The following GIGYF2 variants were observed in gnomAD, a reference collection of about 807,000 sequenced individuals.
GIGYF2 encodes GRB10 interacting GYF protein 2.
Under a neutral mutation model 208.1 loss-of-function variants are expected in GIGYF2, and 25 were observed. That is an observed-to-expected ratio of 0.12 (90% CI 0.09 to 0.17). GIGYF2 has a LOEUF of 0.17. GIGYF2 is among the 10% of genes least tolerant of loss of function. GIGYF2 has a pLI of 1.00. For synonymous variants in GIGYF2, 534 were observed against 543.8 expected (o/e 0.98, Z 0.25); for missense variants, 1,302 against 1,579.4 (o/e 0.82, Z 2.98).
chr2:232,763,165 T>C (rs927529270), intron 8 of GIGYF2, among the ~76,000 whole-genome samples: 2 of 152,208 alleles, frequency 1.3e-5, no homozygotes, highest in African/African-American at 4.8e-5. Flanking sequence ...CATCCTTGTC[T>C]GATTCAGTAC....
intron 6 of GIGYF2, among the ~76,000 whole-genome samples, chr2:232,757,070 A>T (rs1294699370): frequency 6.6e-6 from 1 of 152,206 alleles, no homozygotes; most frequent in Admixed American, 6.5e-5. Context: ...GAAGAATTGG[A>T]TGTCTGCAAT....
intron 2 of GIGYF2, chr2:232,729,952 C>T (rs1369984652): frequency 4.1e-6 from 3 of 726,368 alleles, no homozygotes. Flanking sequence ...TCTTCCATAT[C>T]CACAGGACCA....
intron 6 of GIGYF2, 111 bp downstream of exon 6, chr2:232,756,445 C>G (rs1574841954): frequency 5.0e-6 from 3 of 598,746 alleles, no homozygotes; most frequent in Middle Eastern, 4.5e-4. Context: ...TTGACATTAA[C>G]TGCATACTAA....
chr2:232,705,320 A>G (rs963501944), intron 2 of GIGYF2: 2 of 152,346 alleles, frequency 1.3e-5, no homozygotes, highest in African/African-American at 2.4e-5. Flanking sequence ...AACTTTTGAA[A>G]TAATACATTT....
chr2:232,798,449 A>G (rs1300665559), intron 14 of GIGYF2, among the ~76,000 whole-genome samples: 1 of 152,204 alleles, frequency 6.6e-6, no homozygotes, highest in Non-Finnish European at 1.5e-5. Context: ...GCTGAGTTGT[A>G]TGGTAGTTCT....
At chr2:232,731,865 A>AATTATTTT (rs1262152892) in intron 2 of GIGYF2, among the ~76,000 whole-genome samples, 2 of 142,610 alleles carry the variant, frequency 1.4e-5, no homozygotes, top group Non-Finnish European at 3.1e-5. Flanking sequence ...TTCTTGTTAG[A>AATTATTTT]ATTATTTTAT....
rs368611228 is a variant in GIGYF2 at position 232,717,744 on chromosome 2, AAG to A, written c.-44+14268_-44+14269del. Among the ~76,000 whole-genome samples, 218 of 104,206 alleles carry A rather than the reference AAG, an allele frequency of 2.1e-3. 1 individual carries two copies. The Middle Eastern group carries it at 0.023, about 11-fold the overall frequency. 68.4% of individuals were successfully genotyped at this position (104,206 alleles called of 152,430 possible). A position where few individuals can be genotyped will look rare whatever the true frequency, so the allele number is the denominator to read the frequency against. On this transcript the variant is annotated intron_variant, in intron 2 of 28. Transcript: ENST00000373563. The stretch of plus-strand genomic sequence containing the variant: ...GTGTAGATCTCATGGTGAGGGGAGC[AAG>A]AGAGAGAGAGAGGAGGGAGGTGTCA...
At chr2:232,713,089 T>TTG (rs1696505396) in intron 2 of GIGYF2, among the ~76,000 whole-genome samples, 1 of 151,704 alleles carries the variant, frequency 6.6e-6, no homozygotes, top group East Asian at 1.9e-4. Context: ...TCTTTTTTTT[T>TTG]TTTTGAAGTG....
intron 8 of GIGYF2, among the ~76,000 whole-genome samples, chr2:232,772,060 C>T (rs1317269830): frequency 3.3e-5 from 5 of 152,152 alleles, no homozygotes; most frequent in Non-Finnish European, 1.5e-5. Context: ...TCATAGCTCA[C>T]TGCAACCTCA....
chr2:232,740,205 C>CCCA (rs751309470), intron 3 of GIGYF2, among the ~76,000 whole-genome samples: 7 of 152,090 alleles, frequency 4.6e-5, no homozygotes, highest in Non-Finnish European at 1.0e-4. Context: ...CACCTGTAGT[C>CCCA]CCAGCTACTG....
At chr2:232,835,742 G>A (rs184872111) in intron 22 of GIGYF2, among the ~76,000 whole-genome samples, 4 of 152,110 alleles carry the variant, frequency 2.6e-5, no homozygotes, top group Admixed American at 6.5e-5. Context: ...ATAGCACTGG[G>A]TGTGCCCAGA....
At position 232,756,908 on chromosome 2, in the gene GIGYF2, A is replaced by G. The variant is rs530249236; in HGVS notation, c.379+574A>G. Among the ~76,000 whole-genome samples, 9 of 152,200 alleles carry G rather than the reference A, an allele frequency of 5.9e-5. No homozygotes were observed. The South Asian group carries it at 1.5e-3, about 25-fold the overall frequency. On this transcript the variant is annotated intron_variant, in intron 6 of 28. Coordinates refer to ENST00000373563, the MANE Select transcript of GIGYF2 (RefSeq NM_001103146.3). ...CTTGTTTCTTTGATATCTGCCCCCT[A>G]TTTTGGGTTTGCTGATTTTCTCCTA...
At chr2:232,819,164 A>G (rs149173024) in intron 20 of GIGYF2, among the ~76,000 whole-genome samples, 1 of 152,312 alleles carries the variant, frequency 6.6e-6, no homozygotes, top group African/African-American at 2.4e-5. Flanking sequence ...AAAAAGATCC[A>G]TGCTGAGATG....
chr2:232,699,113 G>A (rs963146287), intron 1 of GIGYF2, among the ~76,000 whole-genome samples: 1 of 152,164 alleles, frequency 6.6e-6, no homozygotes, highest in Non-Finnish European at 1.5e-5. Context: ...GGTTTGGGGA[G>A]GGGTTAATTT....
At chr2:232,771,689 C>T (rs1172098549) in intron 8 of GIGYF2, among the ~76,000 whole-genome samples, 1 of 152,128 alleles carries the variant, frequency 6.6e-6, no homozygotes, top group East Asian at 1.9e-4. Context: ...CTGTGTCTTC[C>T]TTGCACAAGT....
chr2:232,806,210 T>C lies in GIGYF2; in HGVS notation c.1640-281T>C, dbSNP rs912998932. Among the ~76,000 whole-genome samples, 7 of 152,218 alleles carry C rather than the reference T, an allele frequency of 4.6e-5. No individual in the cohort carries two copies. Among genetic ancestry groups the C allele is most frequent in the African/African-American group, 9.6e-5 (4 of 41,466 alleles). ...TTAACTCTTCAATTGTATCATACTT[T>C]ACTGACACATGAATTGTTGTAGAGA... On this transcript the variant is annotated intron_variant, in intron 14 of 28. Transcript: ENST00000373563. The surrounding 1 kb of genome is among the most constrained non-coding windows in gnomAD (Gnocchi z 4.0).
At chr2:232,804,108 A>AT (rs869197984) in intron 14 of GIGYF2, among the ~76,000 whole-genome samples, 2 of 151,392 alleles carry the variant, frequency 1.3e-5, no homozygotes, top group Non-Finnish European at 2.9e-5. Context: ...TTTTAAAAAA[A>AT]TTTTTTTTTA....
At chr2:232,800,786 C>G (rs186809796) in intron 14 of GIGYF2, among the ~76,000 whole-genome samples, 1 of 152,184 alleles carries the variant, frequency 6.6e-6, no homozygotes, top group East Asian at 1.9e-4. Flanking sequence ...CACGCTGGCT[C>G]ATGCCTGTAA....
chr2:232,713,139 G>T lies in GIGYF2; in HGVS notation c.-44+9650G>T, dbSNP rs1044598758. ...TTCACAGGCTGGAGTGCAGTGGCAT[G>T]ATCTCTGCTCACTGTAACCACCGCC... On this transcript the variant is annotated intron_variant, in intron 2 of 28. Coordinates refer to ENST00000373563, the MANE Select transcript of GIGYF2 (RefSeq NM_001103146.3). 4.7e-5 allele frequency among the ~76,000 whole-genome samples: 7 copies of T among 150,052 alleles called. 1 individual carries two copies. In the East Asian group the frequency reaches 1.4e-3, roughly 29 times the overall value.
Sources: gnomAD v4.1 joint callset for allele counts (sites outside exome capture counted in the v4.1 genomes callset) on GRCh38, gnomAD v4.1.1 for gene constraint, Gnocchi (gnomAD v3.1) non-coding constraint, MANE v1.5 for transcripts, NCBI Gene and HGNC (gene_info 2026-07-23, HGNC 2026-07-21) for gene names.